EXT2: variants seen among roughly 807,000 people sequenced by gnomAD.
EXT2 encodes the protein exostosin glycosyltransferase 2.
Under a neutral mutation model 81.6 loss-of-function variants are expected in EXT2, and 53 were observed. That is an observed-to-expected ratio of 0.65 (90% CI 0.52 to 0.82). EXT2 has a LOEUF of 0.82. EXT2 is among the 40% of genes least tolerant of loss of function. The pLI, the probability that EXT2 is intolerant of heterozygous loss-of-function variation, is 0.00. For missense variants in EXT2, 774 were observed against 910.2 expected (o/e 0.85, Z 1.93); for synonymous variants, 320 against 340.0 (o/e 0.94, Z 0.65).
chr11:44,128,052 G>T (rs1307679922), intron 6 of EXT2, among the ~76,000 whole-genome samples: 1 of 152,126 alleles, frequency 6.6e-6, no homozygotes, highest in Non-Finnish European at 1.5e-5. Flanking sequence ...ATGCTTACTG[G>T]TTTTTTCCTC....
chr11:44,181,323 A>G (rs1368727441), intron 8 of EXT2, among the ~76,000 whole-genome samples: 2 of 152,166 alleles, frequency 1.3e-5, no homozygotes, highest in African/African-American at 4.8e-5. Flanking sequence ...CTGTGTTCTA[A>G]AATTTTATGA....
chr11:44,104,046 T>G (rs1362752971), intron 1 of EXT2, among the ~76,000 whole-genome samples: 1 of 152,224 alleles, frequency 6.6e-6, no homozygotes, highest in African/African-American at 2.4e-5. Flanking sequence ...TTTGTTGTGA[T>G]ATGTCTTTTT....
rs117862880 is a variant in EXT2 at position 44,202,306 on chromosome 11, T to C, written c.1495+4288T>C. On this transcript the variant is annotated intron_variant, in intron 9 of 13. Coordinates refer to ENST00000533608, the MANE Select transcript of EXT2 (RefSeq NM_207122.2). ...AACAGTGCGGAAAGCTGTCTATGGGTTGAATATGCTATACACATTCGCCAA... is the reference window on the plus strand; with the variant it reads ...AACAGTGCGGAAAGCTGTCTATGGGCTGAATATGCTATACACATTCGCCAA... 3.3e-3 allele frequency among the ~76,000 whole-genome samples: 510 copies of C among 152,334 alleles called. 1 individual carries two copies. Among genetic ancestry groups the C allele is most frequent in the Middle Eastern group, 0.01 (3 of 294 alleles).
chr11:44,237,765 G>C (rs561129817), intron 13 of EXT2, among the ~76,000 whole-genome samples: 1 of 151,976 alleles, frequency 6.6e-6, no homozygotes, highest in African/African-American at 2.4e-5. Flanking sequence ...ATGTAAAGAG[G>C]TTTAAAATGC....
chr11:44,200,754 A>G (rs1191760997), intron 9 of EXT2, among the ~76,000 whole-genome samples: 1 of 152,130 alleles, frequency 6.6e-6, no homozygotes, highest in African/African-American at 2.4e-5. Flanking sequence ...TAATCTGATA[A>G]TTTATTTTGT....
chr11:44,129,425 A>C (rs1346401131), intron 6 of EXT2, among the ~76,000 whole-genome samples: 1 of 152,168 alleles, frequency 6.6e-6, no homozygotes, highest in Non-Finnish European at 1.5e-5. Flanking sequence ...TGCTCCAGCC[A>C]CAATAGCCTC....
chr11:44,144,379 T>G, intron 7 of EXT2: 16 of 1,463,388 alleles, frequency 1.1e-5, no homozygotes, highest in Non-Finnish European at 1.4e-5. Context: ...CAGAAATGAA[T>G]CTCTAGTCTC....
At chr11:44,156,100 T>A (rs527450235) in intron 7 of EXT2, among the ~76,000 whole-genome samples, 1 of 152,318 alleles carries the variant, frequency 6.6e-6, no homozygotes, top group East Asian at 1.9e-4. Flanking sequence ...CCAGATGTAT[T>A]TGAGCTCCTT....
At chr11:44,149,543 G>C (rs1309286675) in intron 7 of EXT2, among the ~76,000 whole-genome samples, 2 of 152,158 alleles carry the variant, frequency 1.3e-5, no homozygotes, top group Non-Finnish European at 2.9e-5. Context: ...ATTGGACCTT[G>C]AAAATAAAAC....
At chr11:44,197,161 C>G (rs1415267511) in intron 8 of EXT2, among the ~76,000 whole-genome samples, 3 of 152,194 alleles carry the variant, frequency 2.0e-5, no homozygotes, top group African/African-American at 4.8e-5. Flanking sequence ...CCTCCCTTCT[C>G]TAGCTGGGGT....
chr11:44,138,062 G>A (rs1954595547), intron 7 of EXT2, among the ~76,000 whole-genome samples: 1 of 152,240 alleles, frequency 6.6e-6, no homozygotes, highest in Non-Finnish European at 1.5e-5. Context: ...CTCAGATAGA[G>A]AGGGTGAACA....
intron 10 of EXT2, among the ~76,000 whole-genome samples, chr11:44,230,573 A>C (rs991408170): frequency 1.3e-5 from 2 of 152,194 alleles, no homozygotes; most frequent in Non-Finnish European, 2.9e-5. Flanking sequence ...AAATTTAGAC[A>C]CAGAGATAGA....
chr11:44,185,746 T>C lies in EXT2; in HGVS notation c.1306-12083T>C, dbSNP rs77682745. On this transcript the variant is annotated intron_variant, in intron 8 of 13. Coordinates refer to ENST00000533608, the MANE Select transcript of EXT2 (RefSeq NM_207122.2). Reference sequence around the variant, plus strand: ...GTTGGTGTTTTGAGCTTGGATGCCATAAGCTGTAATTTAATCACTCCCCAA... The same window carrying C: ...GTTGGTGTTTTGAGCTTGGATGCCACAAGCTGTAATTTAATCACTCCCCAA... Among the ~76,000 whole-genome samples, 770 of 152,324 alleles carry C rather than the reference T, an allele frequency of 5.1e-3. 7 individuals carry two copies. The highest frequency in any genetic ancestry group is 0.017 in the African/African-American group (726 of 41,572).
At chr11:44,207,272 A>G (rs1268217073) in intron 10 of EXT2, among the ~76,000 whole-genome samples, 2 of 152,226 alleles carry the variant, frequency 1.3e-5, no homozygotes, top group Non-Finnish European at 2.9e-5. Flanking sequence ...CTTGAATACC[A>G]CTTCCCTTGA....
intron 10 of EXT2, among the ~76,000 whole-genome samples, chr11:44,232,059 A>G (rs1335992351): frequency 6.6e-6 from 1 of 152,154 alleles, no homozygotes; most frequent in East Asian, 1.9e-4. Flanking sequence ...CATTAATCAT[A>G]TGTTAAGAGA....
Position 44,197,852 on chromosome 11 carries a change from A to G in EXT2, c.1329A>G (p.Pro443=), listed in dbSNP as rs750415703. The G allele has an allele frequency of 2.5e-6, 4 of 1,613,388 alleles. No homozygotes were observed. Among genetic ancestry groups the G allele is most frequent in the Admixed American group, 3.3e-5 (2 of 59,982 alleles). The change falls in exon 9 of 14, where the codon CCA becomes CCG. Residue 443 remains proline, a synonymous_variant. Transcript: ENST00000533608. ...PAVKWGSVSN[P]LFLPLIPPQS... ...AGAAGTGGGGCAGCGTGAGCAATCC[A>G]CTCTTCCTCCCGCTGATCCCACCAC...
rs544225265 is a variant in EXT2, at chr11:44,156,627, T to C, written c.1174-14984T>C. ...TAGAATTCTGAATTCCTTCTCTCTGTTGTCTTGAATTTCCTCAAGCTTCCT... is the reference window on the plus strand; with the variant it reads ...TAGAATTCTGAATTCCTTCTCTCTGCTGTCTTGAATTTCCTCAAGCTTCCT... On this transcript the variant is annotated intron_variant, in intron 7 of 13. Transcript: ENST00000533608. Among the ~76,000 whole-genome samples the C allele has an allele frequency of 3.3e-5, 5 of 152,358 alleles. No homozygotes were observed. The South Asian group carries it at 8.3e-4, about 25-fold the overall frequency.
chr11:44,096,298 C>G (rs1319047047), intron 1 of EXT2: 3 of 1,535,926 alleles, frequency 2.0e-6, no homozygotes, highest in Non-Finnish European at 2.6e-6. Context: ...GCATCCCTTG[C>G]GGTGCCAGAA....
intron 7 of EXT2, among the ~76,000 whole-genome samples, chr11:44,140,401 T>A (rs560959196): frequency 7.9e-5 from 12 of 152,210 alleles, no homozygotes; most frequent in Non-Finnish European, 1.8e-4. Context: ...CCTCCATAAA[T>A]GTCAGCCTGC....
Sources: gnomAD v4.1 joint callset for allele counts (sites outside exome capture counted in the v4.1 genomes callset) on GRCh38, gnomAD v4.1.1 for gene constraint, MANE v1.5 for transcripts, NCBI Gene and HGNC (gene_info 2026-07-23, HGNC 2026-07-21) for gene names.